NDUFAF2: variants seen among roughly 807,000 people sequenced by gnomAD.
The protein encoded by NDUFAF2 is NADH:ubiquinone oxidoreductase complex assembly factor 2, also known as NADH dehydrogenase [ubiquinone] 1 alpha subcomplex assembly factor 2.
In NDUFAF2, 13 loss-of-function variants were observed where a neutral mutation model predicts 22.8. That is an observed-to-expected ratio of 0.57 (90% confidence interval 0.37 to 0.91). The LOEUF (loss-of-function observed/expected upper bound fraction) is 0.91, where lower values mean the gene tolerates loss of function less well. Ranked by LOEUF, NDUFAF2 falls within the 40% of genes least tolerant of loss-of-function variation. The pLI is 0.01. For synonymous variants in NDUFAF2, 53 were observed against 64.2 expected (o/e 0.83, Z 0.84); for missense variants, 162 against 195.2 (o/e 0.83, Z 1.01).
At chr5:61,064,086 G>A (rs1752200134) in intron 1 of NDUFAF2, among the ~76,000 whole-genome samples, 1 of 152,052 alleles carries the variant, frequency 6.6e-6, no homozygotes, top group African/African-American at 2.4e-5. Context: ...AAGAAAGCAA[G>A]CGTGGCTGTA....
At chr5:61,039,597 C>T (rs1239373868) in intron 1 of NDUFAF2, among the ~76,000 whole-genome samples, 2 of 152,102 alleles carry the variant, frequency 1.3e-5, no homozygotes, top group East Asian at 1.9e-4. Context: ...TTCTGTTTTG[C>T]CAATTAACTT....
At chr5:61,070,621 A>ACACACG (rs1374919624) in intron 1 of NDUFAF2, among the ~76,000 whole-genome samples, 2 of 151,766 alleles carry the variant, frequency 1.3e-5, no homozygotes, top group Non-Finnish European at 2.9e-5. Flanking sequence ...ACACACACAC[A>ACACACG]CACACACGCA....
chr5:61,053,965 A>G (rs1752056422), intron 1 of NDUFAF2, among the ~76,000 whole-genome samples: 1 of 152,180 alleles, frequency 6.6e-6, no homozygotes, highest in Non-Finnish European at 1.5e-5. Context: ...AAAATAAAAC[A>G]TATGAGGTGG....
intron 1 of NDUFAF2, among the ~76,000 whole-genome samples, chr5:61,012,584 T>A (rs932040419): frequency 6.6e-6 from 1 of 152,018 alleles, no homozygotes; most frequent in African/African-American, 2.4e-5. Flanking sequence ...TTTCCAAAAT[T>A]CTGCTTAGTG....
At chr5:61,140,216 G>A (rs984083879) in intron 3 of NDUFAF2, among the ~76,000 whole-genome samples, 1 of 152,176 alleles carries the variant, frequency 6.6e-6, no homozygotes, top group Non-Finnish European at 1.5e-5. Context: ...TTAGAAACAG[G>A]GATTGTCCTC....
intron 1 of NDUFAF2, among the ~76,000 whole-genome samples, chr5:61,018,441 C>G (rs938275215): frequency 1.3e-5 from 2 of 152,102 alleles, no homozygotes; most frequent in African/African-American, 4.8e-5. Context: ...TTCCAATATT[C>G]AAATAAGTTT....
intron 1 of NDUFAF2, among the ~76,000 whole-genome samples, chr5:61,015,811 A>G (rs1751499419): frequency 6.6e-6 from 1 of 152,210 alleles, no homozygotes. Context: ...CAGATTATAT[A>G]TAGTTTCCTT....
intron 1 of NDUFAF2, among the ~76,000 whole-genome samples, chr5:61,071,259 G>T (rs1255531981): frequency 2.6e-5 from 4 of 152,100 alleles, no homozygotes; most frequent in African/African-American, 7.2e-5. Context: ...TAAGCAAAAG[G>T]TAACTCCTCT....
chr5:61,016,680 C>T (rs1295841761), intron 1 of NDUFAF2, among the ~76,000 whole-genome samples: 1 of 152,148 alleles, frequency 6.6e-6, no homozygotes, highest in Non-Finnish European at 1.5e-5. Context: ...TGAAACAGTT[C>T]TCTCCCCAAA....
intron 1 of NDUFAF2, among the ~76,000 whole-genome samples, chr5:60,970,951 T>C (rs1055818964): frequency 6.6e-6 from 1 of 152,092 alleles, no homozygotes; most frequent in African/African-American, 2.4e-5. Flanking sequence ...AAAGTTTTCT[T>C]TTTTTACTGT....
intron 1 of NDUFAF2, among the ~76,000 whole-genome samples, chr5:60,986,950 A>G (rs1221213941): frequency 1.3e-5 from 2 of 151,674 alleles, no homozygotes; most frequent in South Asian, 2.1e-4. Context: ...AAAAAAAAAA[A>G]AAAAAGAAAC....
At chr5:61,108,502 A>T (rs2111780464) in intron 3 of NDUFAF2, among the ~76,000 whole-genome samples, 1 of 151,540 alleles carries the variant, frequency 6.6e-6, no homozygotes, top group South Asian at 2.1e-4. Context: ...GAAGACATTT[A>T]TGCAGCTTAT....
In NDUFAF2 at chr5:61,073,308, C is replaced by G. The variant is rs919037627; in HGVS notation, c.217+94C>G. The G allele has an allele frequency of 7.2e-6, 7 of 965,664 alleles. No individual in the cohort carries two copies. In the African/African-American group the frequency reaches 1.2e-4, roughly 16 times the overall value. 59.8% of individuals were successfully genotyped at this position (965,664 alleles called of 1,614,324 possible). ...GCATATATAGTTATATACTGTTTCT[C>G]TTTGCAAAAAAGTTTTAGTGTCTGA... On this transcript the variant is annotated intron_variant, in intron 2 of 3. Transcript: ENST00000296597.
At chr5:61,003,250 G>A (rs1020453342) in intron 1 of NDUFAF2, among the ~76,000 whole-genome samples, 6 of 152,092 alleles carry the variant, frequency 3.9e-5, no homozygotes, top group East Asian at 1.9e-4. Flanking sequence ...TGATCGTTCC[G>A]TACTTTAGAA....
At position 61,084,121 on chromosome 5, in the gene NDUFAF2, C is replaced by T. The variant is rs780928160; in HGVS notation, c.217+10907C>T. 4.0e-4 allele frequency among the ~76,000 whole-genome samples: 61 copies of T among 151,624 alleles called. 1 individual carries two copies. Among genetic ancestry groups the T allele is most frequent in the Non-Finnish European group, 1.8e-4 (12 of 67,718 alleles). ...GTAAGGTTTTTTAGATGCCTGCTGTCAGATTAAAAAGCTGTCTTCTATTCC... is the reference window on the plus strand; with the variant it reads ...GTAAGGTTTTTTAGATGCCTGCTGTTAGATTAAAAAGCTGTCTTCTATTCC... On this transcript the variant is annotated intron_variant, in intron 2 of 3. Transcript: ENST00000296597.
intron 3 of NDUFAF2, chr5:61,146,504 A>G (rs1194097114): frequency 1.3e-5 from 2 of 152,138 alleles, no homozygotes; most frequent in Admixed American, 6.6e-5. Flanking sequence ...TGTTCTTATA[A>G]TACCTTCATT....
chr5:61,058,532 A>C, intron 1 of NDUFAF2, among the ~76,000 whole-genome samples: 1 of 151,994 alleles, frequency 6.6e-6, no homozygotes, highest in East Asian at 1.9e-4. Flanking sequence ...GTTTTGTTAA[A>C]ACTTGAAATT....
intron 1 of NDUFAF2, among the ~76,000 whole-genome samples, chr5:60,958,404 AT>A (rs535199420): frequency 2.6e-3 from 392 of 152,220 alleles, no homozygotes; most frequent in African/African-American, 7.4e-3. Flanking sequence ...TTGAAAACAC[AT>A]TTTTTTCATT....
At chr5:60,950,703 T>C (rs542081161) in intron 1 of NDUFAF2, among the ~76,000 whole-genome samples, 66 of 152,028 alleles carry the variant, frequency 4.3e-4, no homozygotes, top group African/African-American at 1.5e-3. Flanking sequence ...TGATTGACTT[T>C]TAAAAATTAA....
Sources: allele counts gnomAD v4.1 joint callset (sites outside exome capture counted in the v4.1 genomes callset), GRCh38; gene constraint gnomAD v4.1.1; transcripts MANE v1.5; gene names NCBI Gene and HGNC (gene_info 2026-07-23, HGNC 2026-07-21).